Variants in DIAPH2 observed in about 807,000 individuals in gnomAD.
DIAPH2 encodes the protein diaphanous related formin 2, also known as protein diaphanous homolog 2.
DIAPH2 carries 35 observed loss-of-function variants against 92.7 expected under a neutral mutation model. The ratio of observed to expected loss-of-function variants is 0.38; its 90% confidence interval spans 0.29 to 0.50. The LOEUF (loss-of-function observed/expected upper bound fraction) is 0.50, where lower values mean the gene tolerates loss of function less well. DIAPH2 is among the 20% of genes least tolerant of loss of function. DIAPH2 has a pLI of 0.94. For missense variants in DIAPH2, 701 were observed against 819.5 expected, an observed-to-expected ratio of 0.86 and a Z score of 1.77; for synonymous variants, 301 against 280.4, an observed-to-expected ratio of 1.07 and a Z score of -0.73.
chrX:97,497,545 T>TCTG (rs1298313346), intron 26 of DIAPH2, among the ~76,000 whole-genome samples: 2 of 110,254 alleles, frequency 1.8e-5, no homozygotes, highest in Non-Finnish European at 3.8e-5. Context: ...GTGGCTCATG[T>TCTG]CTGTAATCCC....
chrX:97,499,824 A>C (rs35597147), intron 26 of DIAPH2, among the ~76,000 whole-genome samples: 3,146 of 112,430 alleles, frequency 0.028, 103 homozygotes, highest in African/African-American at 0.097. Flanking sequence ...TTCCATTTCT[A>C]CTATGTAAAT....
intron 22 of DIAPH2, among the ~76,000 whole-genome samples, chrX:97,199,787 C>G (rs1248521451): frequency 8.9e-6 from 1 of 111,759 alleles, no homozygotes; most frequent in African/African-American, 3.3e-5. Context: ...ATCTTTGAAT[C>G]ATCTGACACT....
intron 4 of DIAPH2, among the ~76,000 whole-genome samples, chrX:96,768,976 T>C (rs1018913932): frequency 1.1e-4 from 12 of 111,027 alleles, no homozygotes; most frequent in African/African-American, 3.9e-4. Context: ...CAAGGTGTAT[T>C]TGGGGAAGAG....
intron 25 of DIAPH2, among the ~76,000 whole-genome samples, chrX:97,421,006 A>G (rs2070002904): frequency 8.9e-6 from 1 of 112,103 alleles, no homozygotes; most frequent in South Asian, 3.7e-4. Context: ...AGTCACCATT[A>G]ACTCCATTCT....
chrX:97,537,160 A>C (rs2071102524), intron 26 of DIAPH2, among the ~76,000 whole-genome samples: 1 of 111,343 alleles, frequency 9.0e-6, no homozygotes, highest in South Asian at 3.8e-4. Context: ...AGTAGGTAAA[A>C]ATGGGCTAGG....
chrX:97,014,349 G>T (rs1272652456), intron 17 of DIAPH2, among the ~76,000 whole-genome samples: 1 of 111,786 alleles, frequency 8.9e-6, no homozygotes, highest in African/African-American at 3.3e-5. Flanking sequence ...AATGTGATTT[G>T]TTTCTTGGCT....
chrX:96,833,910 C>T (rs191543318), intron 4 of DIAPH2, among the ~76,000 whole-genome samples: 1 of 111,328 alleles, frequency 9.0e-6, no homozygotes, highest in East Asian at 2.8e-4. Context: ...CTGCCCACCT[C>T]GCTCTCCCAA....
chrX:96,891,447 G>A (rs762146065), intron 5 of DIAPH2, among the ~76,000 whole-genome samples: 8 of 112,119 alleles, frequency 7.1e-5, no homozygotes, highest in African/African-American at 2.6e-4. Context: ...TGAGGACTCT[G>A]TTATTTAGAG....
intron 21 of DIAPH2, among the ~76,000 whole-genome samples, chrX:97,126,336 A>G (rs2147391099): frequency 8.9e-6 from 1 of 112,045 alleles, no homozygotes; most frequent in Non-Finnish European, 1.9e-5. Context: ...CTTAACAAGG[A>G]GAGCTCATGT....
chrX:97,417,475 A>T, intron 25 of DIAPH2, among the ~76,000 whole-genome samples: 1 of 110,519 alleles, frequency 9.0e-6, no homozygotes, highest in Middle Eastern at 4.6e-3. Flanking sequence ...GGAGTTTGAG[A>T]CCAGCTTGAC....
At chrX:97,534,022 A>G (rs1027630033) in intron 26 of DIAPH2, among the ~76,000 whole-genome samples, 6 of 111,446 alleles carry the variant, frequency 5.4e-5, no homozygotes, top group Admixed American at 4.8e-4. Context: ...TCTAGAATCA[A>G]TACTTATGTT....
intron 5 of DIAPH2, among the ~76,000 whole-genome samples, chrX:96,898,896 T>C (rs2065369350): frequency 9.2e-6 from 1 of 108,797 alleles, no homozygotes; most frequent in Non-Finnish European, 1.9e-5. Flanking sequence ...CTTGAATTAA[T>C]TTTTGTATAA....
At chrX:96,833,651 G>A (rs1360152812) in intron 4 of DIAPH2, among the ~76,000 whole-genome samples, 1 of 110,608 alleles carries the variant, frequency 9.0e-6, no homozygotes, top group Non-Finnish European at 1.9e-5. Flanking sequence ...CTTTTCTCAG[G>A]GGTTTATTTT....
chrX:96,991,847 G>C (rs1004623329), intron 17 of DIAPH2, among the ~76,000 whole-genome samples: 1 of 111,155 alleles, frequency 9.0e-6, no homozygotes, highest in Non-Finnish European at 1.9e-5. Context: ...CTCTAAGCTT[G>C]TGGGGTGGTA....
chrX:96,972,612 G>T (rs2065934614), intron 17 of DIAPH2, among the ~76,000 whole-genome samples: 1 of 110,784 alleles, frequency 9.0e-6, no homozygotes, highest in South Asian at 3.8e-4. Context: ...AGGATGCCCA[G>T]TATACTTAGT....
intron 4 of DIAPH2, among the ~76,000 whole-genome samples, chrX:96,759,037 G>A (rs1262816173): frequency 1.9e-5 from 2 of 107,886 alleles, no homozygotes; most frequent in Non-Finnish European, 3.8e-5. Flanking sequence ...TTAATACCTA[G>A]AGTTCATAAA....
intron 17 of DIAPH2, among the ~76,000 whole-genome samples, chrX:97,024,107 T>C (rs1220730698): frequency 8.9e-6 from 1 of 112,235 alleles, no homozygotes; most frequent in Admixed American, 9.4e-5. Flanking sequence ...TTTTCTTACA[T>C]ATCAACTCAT....
At chrX:97,208,108 G>A (rs1183489538) in intron 22 of DIAPH2, among the ~76,000 whole-genome samples, 3 of 111,736 alleles carry the variant, frequency 2.7e-5, no homozygotes, top group Non-Finnish European at 5.6e-5. Context: ...TTGCACTCCA[G>A]CTTCAGTGAC....
chrX:96,886,683 C>G (rs2065264412), intron 5 of DIAPH2, among the ~76,000 whole-genome samples: 1 of 111,155 alleles, frequency 9.0e-6, no homozygotes, highest in Non-Finnish European at 1.9e-5. Flanking sequence ...GGTTACCTGT[C>G]CTAGGGAAAA....
Sources: allele counts gnomAD v4.1 joint callset (sites outside exome capture counted in the v4.1 genomes callset), GRCh38; gene constraint gnomAD v4.1.1; transcripts MANE v1.5; gene names NCBI Gene and HGNC (gene_info 2026-07-23, HGNC 2026-07-21).